TTC27: variants seen among roughly 807,000 people sequenced by gnomAD.
TTC27 encodes the protein tetratricopeptide repeat domain 27.
A neutral mutation model predicts 115.9 loss-of-function variants in TTC27; 79 were observed. The ratio of observed to expected loss-of-function variants is 0.68; its 90% confidence interval spans 0.57 to 0.82. The LOEUF (loss-of-function observed/expected upper bound fraction) is 0.82. Among genes scored for constraint, TTC27 ranks in the 40% least tolerant of loss-of-function variants. The pLI, the probability that TTC27 is intolerant of heterozygous loss-of-function variation, is 0.00. For synonymous variants in TTC27, 401 were observed against 356.0 expected (o/e 1.13, Z -1.42); for missense variants, 1,054 against 993.1 (o/e 1.06, Z -0.82).
intron 10 of TTC27, among the ~76,000 whole-genome samples, chr2:32,709,109 A>G (rs1265674923): frequency 6.6e-6 from 1 of 152,234 alleles, no homozygotes; most frequent in Non-Finnish European, 1.5e-5. Flanking sequence ...AATGAATGAT[A>G]AACATTGATG....
chr2:32,699,364 G>A (rs901431545), intron 9 of TTC27, among the ~76,000 whole-genome samples: 1 of 152,338 alleles, frequency 6.6e-6, no homozygotes, highest in East Asian at 1.9e-4. Flanking sequence ...ATGGAATTAA[G>A]AGCAGTAACC....
At chr2:32,673,153 A>G (rs2151884724) in intron 8 of TTC27, among the ~76,000 whole-genome samples, 1 of 146,274 alleles carries the variant, frequency 6.8e-6, no homozygotes, top group East Asian at 2.0e-4. Context: ...TTACAAGTCC[A>G]TTACTTTTAG....
intron 1 of TTC27, 103 bp from the exon 2 acceptor site, chr2:32,630,420 T>G: frequency 1.2e-6 from 1 of 825,234 alleles, no homozygotes; most frequent in Non-Finnish European, 1.8e-6. Context: ...AGTCTATAGA[T>G]TGTTTTTGCA....
At chr2:32,683,708 T>A (rs948597926) in intron 9 of TTC27, among the ~76,000 whole-genome samples, 1 of 152,234 alleles carries the variant, frequency 6.6e-6, no homozygotes. Context: ...TTATGTTGTA[T>A]CAGCTTGATA....
intron 10 of TTC27, among the ~76,000 whole-genome samples, chr2:32,711,116 C>CAAAAAAAAAAAAAAAAA (rs34140897): frequency 1.7e-5 from 1 of 59,944 alleles, no homozygotes; most frequent in Non-Finnish European, 3.2e-5. Context: ...GACTCTGTCT[C>CAAAAAAAAAAAAAAAAA]AAAAAAAAAA....
intron 10 of TTC27, among the ~76,000 whole-genome samples, chr2:32,730,721 A>G (rs941535474): frequency 6.6e-6 from 1 of 151,716 alleles, no homozygotes; most frequent in Non-Finnish European, 1.5e-5. Context: ...TCCTGGGTTC[A>G]AGAAATTCTC....
At chr2:32,638,473 G>C (rs530936744) in intron 3 of TTC27, among the ~76,000 whole-genome samples, 1 of 152,230 alleles carries the variant, frequency 6.6e-6, no homozygotes, top group East Asian at 1.9e-4. Flanking sequence ...CCGCCTCCCA[G>C]GTTCAAGCGA....
chr2:32,786,419 A>G (rs1670350267), intron 15 of TTC27, among the ~76,000 whole-genome samples: 1 of 151,998 alleles, frequency 6.6e-6, no homozygotes, highest in Non-Finnish European at 1.5e-5. Context: ...GGGATTATAG[A>G]TGTGAGCCAC....
chr2:32,767,130 A>T (rs1168051239), intron 13 of TTC27, among the ~76,000 whole-genome samples: 3 of 150,388 alleles, frequency 2.0e-5, no homozygotes, highest in Non-Finnish European at 3.0e-5. Context: ...TCATTTCCTT[A>T]AAAACATTTT....
chr2:32,662,991 C>G (rs1437323564), intron 5 of TTC27, among the ~76,000 whole-genome samples: 1 of 152,150 alleles, frequency 6.6e-6, no homozygotes, highest in Non-Finnish European at 1.5e-5. Flanking sequence ...GGGAAAACCA[C>G]CTACTGAAGC....
intron 13 of TTC27, among the ~76,000 whole-genome samples, chr2:32,766,261 T>C (rs1380870884): frequency 6.6e-6 from 1 of 152,226 alleles, no homozygotes; most frequent in Non-Finnish European, 1.5e-5. Flanking sequence ...TCAGGGTATT[T>C]AGCATGATGA....
intron 3 of TTC27, among the ~76,000 whole-genome samples, chr2:32,639,781 T>A (rs1664570564): frequency 1.3e-5 from 2 of 152,106 alleles, no homozygotes; most frequent in South Asian, 2.1e-4. Context: ...AGGCAGGGGA[T>A]CACTTAAGGT....
intron 13 of TTC27, among the ~76,000 whole-genome samples, chr2:32,776,678 A>G (rs1401891959): frequency 6.6e-6 from 1 of 152,086 alleles, no homozygotes; most frequent in African/African-American, 2.4e-5. Context: ...GTGCAATCTC[A>G]GGTCACTGCA....
intron 15 of TTC27, among the ~76,000 whole-genome samples, chr2:32,786,040 T>G (rs1306399035): frequency 2.0e-5 from 3 of 152,248 alleles, no homozygotes; most frequent in Non-Finnish European, 4.4e-5. Flanking sequence ...CTTTCAGTAT[T>G]CTAAACAAGT....
At chr2:32,746,757 T>G (rs1377895012) in intron 12 of TTC27, among the ~76,000 whole-genome samples, 1 of 152,088 alleles carries the variant, frequency 6.6e-6, no homozygotes, top group African/African-American at 2.4e-5. Context: ...TAGCTCATTA[T>G]TTGGTAATAA....
intron 9 of TTC27, among the ~76,000 whole-genome samples, chr2:32,694,674 C>CTTTTTTTTTTTTT (rs200028307): frequency 7.4e-6 from 1 of 135,554 alleles, no homozygotes. Flanking sequence ...ATTCCTATTT[C>CTTTTTTTTTTTTT]TTTTTTTTTT....
chr2:32,719,528 C>G (rs1164133566), intron 10 of TTC27, among the ~76,000 whole-genome samples: 1 of 152,106 alleles, frequency 6.6e-6, no homozygotes, highest in Non-Finnish European at 1.5e-5. Flanking sequence ...TGCATGTGGT[C>G]ATAAAGAAGA....
At position 32,678,912 on chromosome 2, in the gene TTC27, C is replaced by T; in HGVS notation, c.1109C>T (p.Ala370Val). Residue 370 changes from alanine (A) to valine (V), a missense_variant, in exon 9 of 20, where the codon GCA (alanine) becomes GTA (valine). Physicochemically the swap from Ala to Val is moderately conservative, Grantham distance 64. Transcript: ENST00000317907. ...ACATTAACTGAAGTGGAGCTTCTGG[C>T]ATTTACATCAGTGAGTAATGTCTTT... ...VHTLTEVELL[A>V]FTSCLLSQPK... is the part of the protein sequence containing the mutation. The T allele has an allele frequency of 1.9e-6, 3 of 1,612,902 alleles. No homozygotes were observed. Among genetic ancestry groups the T allele is most frequent in the Non-Finnish European group, 2.5e-6 (3 of 1,179,192 alleles).
intron 8 of TTC27, among the ~76,000 whole-genome samples, chr2:32,677,798 G>A (rs1666269607): frequency 6.6e-6 from 1 of 152,122 alleles, no homozygotes; most frequent in African/African-American, 2.4e-5. Flanking sequence ...AATTGATCCT[G>A]GATCAGCAAG....
Sources: gnomAD v4.1 joint callset for allele counts (sites outside exome capture counted in the v4.1 genomes callset) on GRCh38, gnomAD v4.1.1 for gene constraint, MANE v1.5 for transcripts, NCBI Gene and HGNC (gene_info 2026-07-23, HGNC 2026-07-21) for gene names.